Variants in DNAJC16 observed in about 807,000 individuals in gnomAD.
DNAJC16 encodes DnaJ heat shock protein family (Hsp40) member C16, also known as dnaJ homolog subfamily C member 16.
DNAJC16 carries 76 observed loss-of-function variants against 92.7 expected under a neutral mutation model. That is an observed-to-expected ratio of 0.82 (90% confidence interval 0.68 to 0.99). DNAJC16 has a LOEUF of 0.99. Ranked by LOEUF, DNAJC16 falls within the 50% of genes least tolerant of loss-of-function variation. DNAJC16 has a pLI of 0.00. For synonymous variants in DNAJC16, 328 were observed against 358.7 expected (o/e 0.91, Z 0.97); for missense variants, 869 against 942.4 (o/e 0.92, Z 1.02).
intron 5 of DNAJC16, among the ~76,000 whole-genome samples, chr1:15,546,014 G>A (rs777435208): frequency 6.6e-6 from 1 of 152,124 alleles, no homozygotes; most frequent in Admixed American, 6.6e-5. Context: ...CGTTTAAAAA[G>A]AGCAAGCTGG....
chr1:15,556,496 T>C (rs1221768246), intron 7 of DNAJC16, among the ~76,000 whole-genome samples: 1 of 152,212 alleles, frequency 6.6e-6, no homozygotes, highest in Non-Finnish European at 1.5e-5. Context: ...TGTGCTGGGA[T>C]TATAGGCGTG....
chr1:15,540,202 T>G (rs1003942661), intron 4 of DNAJC16, among the ~76,000 whole-genome samples: 1 of 152,074 alleles, frequency 6.6e-6, no homozygotes, highest in Non-Finnish European at 1.5e-5. Context: ...GGTGTGTGCC[T>G]GTAATCCCAG....
chr1:15,546,944 T>A, intron 6 of DNAJC16, 73 bp downstream of exon 6: 1 of 1,157,844 alleles, frequency 8.6e-7, no homozygotes, highest in Non-Finnish European at 1.2e-6. Flanking sequence ...TAGCAGAAAG[T>A]AATCTCTGAG....
chr1:15,530,304 C>T (rs1284206027), intron 2 of DNAJC16, among the ~76,000 whole-genome samples: 2 of 149,898 alleles, frequency 1.3e-5, no homozygotes, highest in Non-Finnish European at 3.0e-5. Flanking sequence ...GCTATAATCA[C>T]ACCACTGCAC....
intron 4 of DNAJC16, among the ~76,000 whole-genome samples, chr1:15,538,020 A>G (rs1710834124): frequency 6.6e-6 from 1 of 152,180 alleles, no homozygotes; most frequent in Admixed American, 6.5e-5. Flanking sequence ...TTGAAATCAA[A>G]TATCATTTTA....
At chr1:15,546,173 C>T (rs564310586) in intron 5 of DNAJC16, among the ~76,000 whole-genome samples, 1 of 152,172 alleles carries the variant, frequency 6.6e-6, no homozygotes, top group African/African-American at 2.4e-5. Context: ...GGCATGGTGC[C>T]ATGTACCTGT....
chr1:15,552,189 G>A (rs556092619), intron 7 of DNAJC16, among the ~76,000 whole-genome samples: 1 of 151,246 alleles, frequency 6.6e-6, no homozygotes, highest in Admixed American at 6.6e-5. Flanking sequence ...TTTTTAATAA[G>A]TATAATAAAA....
At chr1:15,555,641 C>T (rs1321678741) in intron 7 of DNAJC16, among the ~76,000 whole-genome samples, 1 of 147,986 alleles carries the variant, frequency 6.8e-6, no homozygotes, top group Non-Finnish European at 1.5e-5. Context: ...AAGATCACAC[C>T]ACTGCACTCC....
intron 4 of DNAJC16, among the ~76,000 whole-genome samples, chr1:15,541,700 CACAAAGATGTATGT>C (rs1710934810): frequency 6.6e-6 from 1 of 152,168 alleles, no homozygotes; most frequent in African/African-American, 2.4e-5. Context: ...AAGATGTATG[CACAAAGATGTATGT>C]ACAAAGATGT....
chr1:15,531,768 C>T (rs185177019), intron 2 of DNAJC16, among the ~76,000 whole-genome samples: 28 of 152,246 alleles, frequency 1.8e-4, no homozygotes, highest in South Asian at 6.2e-4. Context: ...TTTTACTTTA[C>T]GTTTTTAATT....
At chr1:15,552,443 C>T (rs1304964134) in intron 7 of DNAJC16, among the ~76,000 whole-genome samples, 3 of 151,090 alleles carry the variant, frequency 2.0e-5, no homozygotes, top group African/African-American at 7.3e-5. Context: ...GAGCCAAGAT[C>T]GCGCCACTGC....
intron 7 of DNAJC16, among the ~76,000 whole-genome samples, chr1:15,553,513 C>T (rs939546835): frequency 2.0e-5 from 3 of 152,176 alleles, no homozygotes; most frequent in East Asian, 1.9e-4. Context: ...GGATTACAGA[C>T]GTGAGTCACC....
Position 15,566,223 on chromosome 1 carries a change from C to A in DNAJC16, c.1778+43C>A, listed in dbSNP as rs187974020. The A allele has an allele frequency of 4.7e-6, 7 of 1,487,312 alleles. No homozygotes were observed. The East Asian group carries it at 1.1e-4, about 24-fold the overall frequency. The allele number at this position is 1,487,312 out of a possible 1,614,324, so 92.1% of individuals were successfully genotyped here. A position where few individuals can be genotyped will look rare whatever the true frequency, so the allele number is the denominator to read the frequency against. Reference sequence around the variant, plus strand: ...CCAGACTCACCTCCCCGGCACCTGCCCCCCAGATCCTGTCATCTGATAACG... The same window carrying A: ...CCAGACTCACCTCCCCGGCACCTGCACCCCAGATCCTGTCATCTGATAACG... On this transcript the variant is annotated intron_variant, in intron 13 of 14. Transcript: ENST00000375847.
chr1:15,562,746 T>G (rs1395081784), intron 9 of DNAJC16, among the ~76,000 whole-genome samples: 1 of 151,832 alleles, frequency 6.6e-6, no homozygotes, highest in Non-Finnish European at 1.5e-5. Flanking sequence ...CCTCCCAAAG[T>G]GCTGGGATTA....
chr1:15,552,809 T>G (rs1638478256), intron 7 of DNAJC16, among the ~76,000 whole-genome samples: 1 of 150,218 alleles, frequency 6.7e-6, no homozygotes, highest in East Asian at 2.0e-4. Context: ...GCTCTGTCTC[T>G]AAGGCTGGAG....
intron 7 of DNAJC16, among the ~76,000 whole-genome samples, chr1:15,551,044 A>G (rs1032026361): frequency 5.9e-5 from 9 of 151,986 alleles, no homozygotes; most frequent in Non-Finnish European, 1.5e-5. Flanking sequence ...TAATTTTTGT[A>G]TTTTTAGTAG....
At chr1:15,536,867 T>C (rs1005366930) in intron 4 of DNAJC16, 53 bp downstream of exon 4, 22 of 1,458,660 alleles carry the variant, frequency 1.5e-5, no homozygotes, top group South Asian at 4.1e-5. Context: ...TTTTTTTTTT[T>C]CAAGATGGAG....
At chr1:15,548,191 T>C in intron 6 of DNAJC16, 79 bp from the exon 7 acceptor site, 1 of 1,436,184 alleles carries the variant, frequency 7.0e-7, no homozygotes, top group Non-Finnish European at 9.6e-7. Flanking sequence ...TGCTCAGTGA[T>C]GTGAAAAAGC....
intron 4 of DNAJC16, among the ~76,000 whole-genome samples, chr1:15,541,038 C>A (rs1710920450): frequency 6.6e-6 from 1 of 152,206 alleles, no homozygotes; most frequent in Non-Finnish European, 1.5e-5. Context: ...ATGCCTCACC[C>A]TCCCCCAGCT....
Sources: gnomAD v4.1 joint callset for allele counts (sites outside exome capture counted in the v4.1 genomes callset) on GRCh38, gnomAD v4.1.1 for gene constraint, MANE v1.5 for transcripts, NCBI Gene and HGNC (gene_info 2026-07-23, HGNC 2026-07-21) for gene names.